Variants in DIP2B observed in about 807,000 individuals in gnomAD.
DIP2B encodes DIP2 acetate--CoA ligase B (putative), also known as disco-interacting protein 2 homolog B.
Under a neutral mutation model 198.0 loss-of-function variants are expected in DIP2B, and 76 were observed. The ratio of observed to expected loss-of-function variants is 0.38; its 90% CI spans 0.32 to 0.46. The LOEUF is 0.46. Ranked by LOEUF, DIP2B falls within the 20% of genes least tolerant of loss-of-function variation. DIP2B has a pLI of 0.99. For synonymous variants in DIP2B, 701 were observed against 739.1 expected, an observed-to-expected ratio of 0.95 and a Z score of 0.84; for missense variants, 1,559 against 1,978.4, an observed-to-expected ratio of 0.79 and a Z score of 4.02.
intron 9 of DIP2B, among the ~76,000 whole-genome samples, chr12:50,682,781 T>A (rs940197779): frequency 6.6e-6 from 1 of 152,172 alleles, no homozygotes; most frequent in African/African-American, 2.4e-5. Flanking sequence ...TTACATTTAT[T>A]TTATTGCCTT....
chr12:50,690,389 A>C (rs1592129508), intron 12 of DIP2B, among the ~76,000 whole-genome samples: 2 of 152,028 alleles, frequency 1.3e-5, no homozygotes, highest in South Asian at 4.1e-4. Flanking sequence ...CCCAGCCAAA[A>C]TTTTTTTAAA....
intron 1 of DIP2B, among the ~76,000 whole-genome samples, chr12:50,554,763 C>CA (rs1958455307): frequency 6.6e-6 from 1 of 151,814 alleles, no homozygotes; most frequent in Admixed American, 6.6e-5. Flanking sequence ...CGCCGCTCCC[C>CA]CCCCGCCCCT....
chr12:50,714,738 G>A (rs1202979305), intron 23 of DIP2B, 142 bp downstream of exon 23: 19 of 965,322 alleles, frequency 2.0e-5, no homozygotes, highest in South Asian at 1.3e-4. Context: ...CCAGGAGCTC[G>A]AAAACAGCCT....
intron 1 of DIP2B, among the ~76,000 whole-genome samples, chr12:50,579,793 A>G (rs1180982973): frequency 2.0e-5 from 3 of 148,688 alleles, no homozygotes; most frequent in African/African-American, 7.4e-5. Context: ...AGAACTGCAG[A>G]TTGAAAGTAA....
At chr12:50,706,184 G>C (rs1420899457) in intron 20 of DIP2B, among the ~76,000 whole-genome samples, 2 of 152,018 alleles carry the variant, frequency 1.3e-5, no homozygotes, top group African/African-American at 4.8e-5. Context: ...TTCTTCCTCT[G>C]TATCCTCTGA....
intron 1 of DIP2B, among the ~76,000 whole-genome samples, chr12:50,509,153 A>C (rs1406661459): frequency 6.6e-6 from 1 of 152,190 alleles, no homozygotes; most frequent in Non-Finnish European, 1.5e-5. Flanking sequence ...TGAGTCTGCC[A>C]GGGAAATCAT....
At chr12:50,634,526 C>T (rs951745637) in intron 2 of DIP2B, among the ~76,000 whole-genome samples, 5 of 152,282 alleles carry the variant, frequency 3.3e-5, no homozygotes, top group East Asian at 1.9e-4. Flanking sequence ...ACCAAGGAGA[C>T]AGCATGGGAC....
intron 10 of DIP2B, 136 bp downstream of exon 10, chr12:50,683,384 G>T (rs1020718634): frequency 1.6e-6 from 1 of 622,716 alleles, no homozygotes; most frequent in Non-Finnish European, 2.7e-6. Context: ...CTAAAAACAG[G>T]AAATTTGTAG....
chr12:50,697,325 A>G lies in DIP2B; in HGVS notation c.2048+150A>G. 2 of 658,916 alleles carry G rather than the reference A, an allele frequency of 3.0e-6. 1 individual carries two copies. The highest frequency in any genetic ancestry group is 4.1e-5 in the South Asian group (2 of 48,276). The allele number at this position is 658,916 out of a possible 1,614,324, so 40.8% of individuals were successfully genotyped here. ...TCCCACTCTTGCTCAAAGTGTATGC[A>G]GTAAACTGAAAAATTTAATTGATAT... On this transcript the variant is annotated intron_variant, in intron 17 of 37. Coordinates refer to ENST00000301180, the MANE Select transcript of DIP2B (RefSeq NM_173602.3).
At chr12:50,706,712 A>G (rs1164886391) in intron 21 of DIP2B, 47 bp downstream of exon 21, 4 of 1,598,196 alleles carry the variant, frequency 2.5e-6, no homozygotes, top group Non-Finnish European at 3.4e-6. Flanking sequence ...ATGGAATCTA[A>G]ATACATCTTC....
intron 1 of DIP2B, among the ~76,000 whole-genome samples, chr12:50,562,023 A>ATAAG (rs1958523229): frequency 6.6e-6 from 1 of 152,252 alleles, no homozygotes; most frequent in Admixed American, 6.5e-5. Flanking sequence ...TGACAGGCTT[A>ATAAG]TAAGTGGCTG....
At chr12:50,647,121 C>T (rs1402017721) in intron 3 of DIP2B, among the ~76,000 whole-genome samples, 5 of 151,880 alleles carry the variant, frequency 3.3e-5, no homozygotes, top group South Asian at 2.1e-4. Flanking sequence ...GACACAATCT[C>T]GTCTCACTCC....
chr12:50,726,501 C>A (rs1939937338), intron 28 of DIP2B, among the ~76,000 whole-genome samples: 1 of 151,442 alleles, frequency 6.6e-6, no homozygotes, highest in South Asian at 2.1e-4. Flanking sequence ...CAGGCATGAA[C>A]CACCATGCCT....
At chr12:50,617,358 T>C (rs1937719135) in intron 1 of DIP2B, among the ~76,000 whole-genome samples, 1 of 151,878 alleles carries the variant, frequency 6.6e-6, no homozygotes, top group Admixed American at 6.5e-5. Context: ...GGTTTCACCG[T>C]GTTAGCCAGG....
intron 1 of DIP2B, among the ~76,000 whole-genome samples, chr12:50,544,334 A>G (rs1958356214): frequency 1.3e-5 from 2 of 152,204 alleles, no homozygotes; most frequent in Admixed American, 6.5e-5. Flanking sequence ...TTTTCTATTC[A>G]GATATTCCGT....
intron 3 of DIP2B, among the ~76,000 whole-genome samples, chr12:50,654,348 C>A (rs569994102): frequency 2.0e-5 from 3 of 148,308 alleles, no homozygotes; most frequent in Non-Finnish European, 4.5e-5. Context: ...GAAAATATTT[C>A]TTTCTTTCTT....
At chr12:50,526,002 T>C (rs1357156130) in intron 1 of DIP2B, among the ~76,000 whole-genome samples, 1 of 152,238 alleles carries the variant, frequency 6.6e-6, no homozygotes, top group East Asian at 1.9e-4. Context: ...ATACCAACAT[T>C]TGAAATGATC....
chr12:50,640,809 C>G lies in DIP2B; in HGVS notation c.258C>G (p.His86Gln). 6.2e-7 allele frequency: 1 copy of G among 1,614,016 alleles called. No individual in the cohort carries two copies. The highest frequency in any genetic ancestry group is 1.1e-5 in the South Asian group (1 of 91,074). Residue 86 changes from histidine to glutamine, a missense_variant, in exon 3 of 38, where the codon CAC becomes CAG. Transcript: ENST00000301180. ...AAQTSAPSKYHRTRSGGARDE... is the reference protein window; with the variant it reads ...AAQTSAPSKYQRTRSGGARDE... The stretch of plus-strand genomic sequence containing the variant: ...AAACTTCTGCTCCCTCTAAGTACCA[C>G]CGAACTCGATCTGGGGGAGCCAGGG...
intron 13 of DIP2B, 94 bp from the exon 14 acceptor site, chr12:50,692,855 A>ACAT (rs1343860417): frequency 6.1e-5 from 66 of 1,084,506 alleles, no homozygotes; most frequent in Non-Finnish European, 8.9e-5. Context: ...AAGCAAACAA[A>ACAT]CATCAAATCA....
Sources: allele counts gnomAD v4.1 joint callset (sites outside exome capture counted in the v4.1 genomes callset), GRCh38; gene constraint gnomAD v4.1.1; transcripts MANE v1.5; gene names NCBI Gene and HGNC (gene_info 2026-07-23, HGNC 2026-07-21).